Variants in CAD observed in about 807,000 individuals in gnomAD.
CAD encodes carbamoyl-phosphate synthetase 2, aspartate transcarbamylase, and dihydroorotase.
CAD carries 81 observed loss-of-function variants against 237.2 expected under a neutral mutation model. The observed-to-expected ratio is 0.34, with a 90% CI of 0.29 to 0.41. The LOEUF is 0.41. CAD is among the 10% of genes least tolerant of loss of function. The pLI is 1.00. For synonymous variants in CAD, 1,196 were observed against 1,162.8 expected, an observed-to-expected ratio of 1.03 and a Z score of -0.58; for missense variants, 2,181 against 2,951.7, an observed-to-expected ratio of 0.74 and a Z score of 6.05.
Position 27,239,207 on chromosome 2 carries a change from C to G in CAD, c.5228C>G (p.Pro1743Arg). The change falls in exon 32 of 44, where the codon CCC (proline) becomes CGC (arginine). Residue 1743 changes from proline to arginine, a missense_variant. Physicochemically the swap from Pro to Arg is moderately radical, Grantham distance 103. This residue lies in a region of CAD where 478 missense variants were observed against 515.0 expected (regional missense o/e 0.93). Transcript: ENST00000264705. The surrounding 1 kb of genome is among the most constrained non-coding windows in gnomAD (Gnocchi z 4.0). ...AATCCTCGGCGCATCTTTCACCTGC[C>G]CCCGCAGGAGGACACCTATGTGGAG... ...HHNPRRIFHL[P>R]PQEDTYVEVD... The G allele has an allele frequency of 6.2e-7, 1 of 1,608,438 alleles. No individual in the cohort carries two copies. Among genetic ancestry groups the G allele is most frequent in the Non-Finnish European group, 8.5e-7 (1 of 1,176,760 alleles).
intron 14 of CAD, 30 bp from the exon 15 acceptor site, chr2:27,226,802 C>G (rs765281929): frequency 6.2e-7 from 1 of 1,613,402 alleles, no homozygotes; most frequent in Admixed American, 1.7e-5. Flanking sequence ...CCTTCACTGT[C>G]CTTCTGGCAT....
Position 27,224,420 on chromosome 2 carries a change from A to G in CAD, c.1184A>G (p.Lys395Arg). 1 of 1,614,134 alleles carries G rather than the reference A, an allele frequency of 6.2e-7. No homozygotes were observed. The highest frequency in any genetic ancestry group is 1.3e-5 in the African/African-American group (1 of 75,008). Residue 395 changes from lysine (K) to arginine (R), a missense_variant, in exon 9 of 44, where the codon AAG becomes AGG. Physicochemically the swap from Lys to Arg is conservative, Grantham distance 26. This residue lies in a region of CAD where 129 missense variants were observed against 143.3 expected (regional missense o/e 0.90). Coordinates refer to ENST00000264705, the MANE Select transcript of CAD (RefSeq NM_004341.5). The stretch of plus-strand genomic sequence containing the variant: ...GGCTCTGGACTTCCACCACCACGAA[A>G]GGTTCTGATCCTGGGCTCAGGGGGC... ...TPGSGLPPPRKVLILGSGGLS... is the reference protein window; with the variant it reads ...TPGSGLPPPRRVLILGSGGLS...
chr2:27,222,800 G>A lies in CAD; in HGVS notation c.638-66G>A. ...GACTTAACACTCTCATGGGCTGGGG[G>A]GGCTGCAGGTGTGTCTCCTGTAATT... On this transcript the variant is annotated intron_variant, in intron 5 of 43. Transcript: ENST00000264705. 3 of 1,582,130 alleles carry A rather than the reference G, an allele frequency of 1.9e-6. No individual in the cohort carries two copies. In the South Asian group the frequency reaches 3.4e-5, roughly 18 times the overall value.
chr2:27,232,598 A>G lies in CAD; in HGVS notation c.2796A>G (p.Thr932=), dbSNP rs763426905. The G allele has an allele frequency of 6.2e-7, 1 of 1,613,984 alleles. No individual in the cohort carries two copies. The highest frequency in any genetic ancestry group is 1.1e-5 in the South Asian group (1 of 91,074). ...WGTTHDLTFR[T]PHVLVLGSGV... is the part of the protein sequence containing the mutation. ...CCACCCATGACCTCACCTTTCGAAC[A>G]CCTCATGTCCTAGTCCTTGGCTCTG... The change falls in exon 18 of 44, where the codon ACA becomes ACG. Residue 932 remains threonine, a synonymous_variant. Coordinates refer to ENST00000264705, the MANE Select transcript of CAD (RefSeq NM_004341.5). The surrounding 1 kb of genome is among the most constrained non-coding windows in gnomAD (Gnocchi z 4.1).
intron 2 of CAD, among the ~76,000 whole-genome samples, chr2:27,219,068 A>T (rs1009445905): frequency 5.9e-5 from 9 of 152,220 alleles, no homozygotes; most frequent in South Asian, 2.1e-4. Flanking sequence ...ACACTGACTA[A>T]ATTGAGTTTA....
Position 27,239,318 on chromosome 2 carries a change from G to A in CAD, c.5254-13G>A, listed in dbSNP as rs1199943124. On this transcript the variant is annotated splice_polypyrimidine_tract_variant and intron_variant, in intron 32 of 43. Coordinates refer to ENST00000264705, the MANE Select transcript of CAD (RefSeq NM_004341.5). This position sits in a 1 kb window ranked among gnomAD's most constrained non-coding sequence, Gnocchi z 4.0. ...GGATCCTTTCCCTAGCATAACCCAT[G>A]TCCTCTGGGCAGGTGGATCTGGAGC... is the stretch of plus-strand genomic sequence containing the variant. 7 of 1,610,672 alleles carry A rather than the reference G, an allele frequency of 4.3e-6. No individual in the cohort carries two copies. Among genetic ancestry groups the A allele is most frequent in the Non-Finnish European group, 5.9e-6 (7 of 1,177,312 alleles).
chr2:27,240,334 C>CAT lies in CAD; in HGVS notation c.5567_5568dup (p.Arg1857IlefsTer21). ...CCGCTTCCATCTGCCGCCCCGAATC[C>CAT]ATCGAGCCTCCGACCCAGGTTTGCC... On this transcript the variant is annotated frameshift_variant, in exon 35 of 44. Transcript: ENST00000264705. LOFTEE classifies it high-confidence loss of function. This position sits in a 1 kb window ranked among gnomAD's most constrained non-coding sequence, Gnocchi z 4.6. The CAT allele has an allele frequency of 6.2e-7, 1 of 1,614,170 alleles. No individual in the cohort carries two copies. The highest frequency in any genetic ancestry group is 8.5e-7 in the Non-Finnish European group (1 of 1,180,026).
chr2:27,221,544 C>T (rs1572422051), intron 3 of CAD, among the ~76,000 whole-genome samples, 197 bp downstream of exon 3: 1 of 152,140 alleles, frequency 6.6e-6, no homozygotes, highest in Non-Finnish European at 1.5e-5. Context: ...CTCCCACCTT[C>T]CATAATCATC....
chr2:27,226,414 TC>T (rs1249423005), intron 13 of CAD, 95 bp downstream of exon 13: 30 of 1,544,054 alleles, frequency 1.9e-5, no homozygotes, highest in Non-Finnish European at 2.6e-5. Flanking sequence ...GGGCTTACAG[TC>T]CCTGGAGTAC....
Position 27,243,485 on chromosome 2 carries a change from G to A in CAD, c.6645G>A (p.Met2215Ile). 1 of 1,605,298 alleles carries A rather than the reference G, an allele frequency of 6.2e-7. No homozygotes were observed. The highest frequency in any genetic ancestry group is 8.5e-7 in the Non-Finnish European group (1 of 1,177,164). Reference protein sequence around the residue: ...RQAENGMYIRMALLATVLGRF With the variant: ...RQAENGMYIRIALLATVLGRF ...CTGAGAACGGCATGTACATCCGCATGGCTCTGTTAGCCACCGTGCTGGGCC... is the reference window on the plus strand; with the variant it reads ...CTGAGAACGGCATGTACATCCGCATAGCTCTGTTAGCCACCGTGCTGGGCC... Residue 2215 changes from methionine (M) to isoleucine (I), a missense_variant, in exon 44 of 44, where the codon ATG becomes ATA. Met to Ile is a conservative substitution (Grantham distance 10). Around this residue, in one of 12 missense-constraint regions of CAD, gnomAD observed 170 missense variants for 212.1 expected, o/e 0.80. Transcript: ENST00000264705.
Position 27,233,717 on chromosome 2 carries a change from C to G in CAD, c.3308C>G (p.Thr1103Arg), listed in dbSNP as rs751472393. ...GGTGCTGCTATGAATGTGGCCTACA[C>G]GGATGGAGACCTGGAGCGCTTCCTG... Reference protein sequence around the residue: ...LSGAAMNVAYTDGDLERFLSS... With the variant: ...LSGAAMNVAYRDGDLERFLSS... Residue 1103 changes from threonine (T) to arginine (R), a missense_variant, in exon 21 of 44, where the codon ACG (threonine) becomes AGG (arginine). Thr to Arg is a moderately conservative substitution (Grantham distance 71). Transcript: ENST00000264705. This position sits in a 1 kb window ranked among gnomAD's most constrained non-coding sequence, Gnocchi z 6.3. 6.2e-7 allele frequency: 1 copy of G among 1,614,160 alleles called. No individual in the cohort carries two copies. The highest frequency in any genetic ancestry group is 8.5e-7 in the Non-Finnish European group (1 of 1,180,030).
chr2:27,226,349 T>C (rs1375861466), intron 13 of CAD, 30 bp downstream of exon 13: 6 of 1,603,102 alleles, frequency 3.7e-6, no homozygotes, highest in Non-Finnish European at 5.1e-6. Context: ...ACTGATAGTC[T>C]AGTTGTTACC....
chr2:27,236,214 T>C lies in CAD; in HGVS notation c.4075-70T>C. 6.4e-7 allele frequency: 1 copy of C among 1,573,778 alleles called. No homozygotes were observed. The highest frequency in any genetic ancestry group is 8.6e-7 in the Non-Finnish European group (1 of 1,158,790). On this transcript the variant is annotated intron_variant, in intron 25 of 43. Transcript: ENST00000264705. The surrounding 1 kb of genome is among the most constrained non-coding windows in gnomAD (Gnocchi z 4.1). ...CATCATGGGCTCCTGGGCCAGCTCC[T>C]CTCCCTTAAGGCTAGCCTTCCTGAC...
Position 27,233,112 on chromosome 2 carries a change from G to A in CAD, c.2963G>A (p.Arg988Gln), listed in dbSNP as rs761369810. 28 of 1,613,372 alleles carry A rather than the reference G, an allele frequency of 1.7e-5. No homozygotes were observed. The highest frequency in any genetic ancestry group is 3.3e-5 in the South Asian group (3 of 91,026). Residue 988 changes from arginine (R) to glutamine (Q), a missense_variant, in exon 19 of 44, where the codon CGA (arginine) becomes CAA (glutamine). Coordinates refer to ENST00000264705, the MANE Select transcript of CAD (RefSeq NM_004341.5). The surrounding 1 kb of genome is among the most constrained non-coding windows in gnomAD (Gnocchi z 6.3). ...AGCACCGACTATGACATGTGTGATC[G>A]ACTCTACTTTGATGAGATCTCTTTT... ...TVSTDYDMCD[R>Q]LYFDEISFEV...
Position 27,237,982 on chromosome 2 carries a change from C to T in CAD, c.4729-74C>T. 4 of 1,589,280 alleles carry T rather than the reference C, an allele frequency of 2.5e-6. No individual in the cohort carries two copies. Among genetic ancestry groups the T allele is most frequent in the South Asian group, 1.1e-5 (1 of 87,626 alleles). On this transcript the variant is annotated intron_variant, in intron 29 of 43. Coordinates refer to ENST00000264705, the MANE Select transcript of CAD (RefSeq NM_004341.5). This position sits in a 1 kb window ranked among gnomAD's most constrained non-coding sequence, Gnocchi z 4.0. ...GTAGCAGTGAGGATTCAGGGGAGCT[C>T]CTGGGGACTCTGGGCTCTGATGAGC...
chr2:27,224,917 A>AG, intron 10 of CAD, 41 bp downstream of exon 10: 1 of 1,612,500 alleles, frequency 6.2e-7, no homozygotes, highest in South Asian at 1.1e-5. Flanking sequence ...AGGACTGGGC[A>AG]GGGGGGCCCA....
At chr2:27,222,393 C>T in intron 4 of CAD, 57 bp downstream of exon 4, 3 of 1,586,378 alleles carry the variant, frequency 1.9e-6, no homozygotes, top group Non-Finnish European at 2.6e-6. Context: ...TATATTCTGC[C>T]CACAATTGGG....
chr2:27,225,692 C>T lies in CAD; in HGVS notation c.1621-13C>T. 1 of 1,592,032 alleles carries T rather than the reference C, an allele frequency of 6.3e-7. No homozygotes were observed. The highest frequency in any genetic ancestry group is 8.6e-7 in the Non-Finnish European group (1 of 1,160,128). ...GAAATAACCTGTTTGTTCATCTCTT[C>T]CACTCATTGCAGGCCCAGGCAGCCG... On this transcript the variant is annotated splice_polypyrimidine_tract_variant and intron_variant, in intron 11 of 43. Transcript: ENST00000264705.
chr2:27,225,488 T>C (rs1390885619), intron 11 of CAD, among the ~76,000 whole-genome samples: 1 of 151,852 alleles, frequency 6.6e-6, no homozygotes, highest in Non-Finnish European at 1.5e-5. Flanking sequence ...GTATTTTTAG[T>C]AGAGACGGGG....
Sources: gnomAD v4.1 joint callset for allele counts (sites outside exome capture counted in the v4.1 genomes callset) on GRCh38, gnomAD v4.1.1 for gene constraint, gnomAD v4.1.1 regional missense constraint, Gnocchi (gnomAD v3.1) non-coding constraint, MANE v1.5 for transcripts, NCBI Gene and HGNC (gene_info 2026-07-23, HGNC 2026-07-21) for gene names.